The following PRKN variants were observed in gnomAD, a reference collection of about 807,000 sequenced individuals.
PRKN encodes the protein E3 ubiquitin-protein ligase parkin.
PRKN carries 56 observed loss-of-function variants against 59.5 expected under a neutral mutation model. That is an observed-to-expected ratio of 0.94 (90% CI 0.76 to 1.18). PRKN has a LOEUF of 1.18. PRKN is among the 50% of genes most tolerant of loss of function. The pLI is 0.00. For synonymous variants in PRKN, 250 were observed against 222.1 expected, an observed-to-expected ratio of 1.13 and a Z score of -1.12; for missense variants, 657 against 596.4, an observed-to-expected ratio of 1.10 and a Z score of -1.06.
chr6:162,217,282 G>A (rs1196272610), intron 3 of PRKN, among the ~76,000 whole-genome samples: 1 of 152,150 alleles, frequency 6.6e-6, no homozygotes, highest in African/African-American at 2.4e-5. Flanking sequence ...GGGGTAGGAA[G>A]AAGGAAGCAG....
intron 2 of PRKN, among the ~76,000 whole-genome samples, chr6:162,419,545 A>C (rs1583542570): frequency 2.7e-5 from 1 of 36,484 alleles, no homozygotes; most frequent in South Asian, 9.3e-4. Flanking sequence ...GTGCAGGGTC[A>C]ACAAGCTGGA....
chr6:162,687,770 T>C (rs753492559), intron 1 of PRKN, among the ~76,000 whole-genome samples: 7 of 152,220 alleles, frequency 4.6e-5, no homozygotes, highest in Non-Finnish European at 1.0e-4. Context: ...GAATCTCTAA[T>C]TATCATACCA....
At chr6:161,879,476 T>C (rs1317791138) in intron 6 of PRKN, among the ~76,000 whole-genome samples, 1 of 151,496 alleles carries the variant, frequency 6.6e-6, no homozygotes, top group Non-Finnish European at 1.5e-5. Flanking sequence ...GTCTCCCGAG[T>C]AGCTGGGACT....
intron 9 of PRKN, among the ~76,000 whole-genome samples, chr6:161,500,264 C>T (rs1389144984): frequency 1.3e-5 from 2 of 152,198 alleles, no homozygotes; most frequent in South Asian, 4.1e-4. Context: ...CAGTGTTCCC[C>T]ACAAGAGTGG....
intron 7 of PRKN, among the ~76,000 whole-genome samples, chr6:161,727,337 A>G (rs978496891): frequency 2.0e-5 from 3 of 152,188 alleles, no homozygotes; most frequent in Admixed American, 6.5e-5. Context: ...CTCAGAGCAC[A>G]CAGTGAGCCG....
intron 2 of PRKN, among the ~76,000 whole-genome samples, chr6:162,276,455 A>T (rs1377328236): frequency 6.6e-6 from 1 of 152,170 alleles, no homozygotes; most frequent in African/African-American, 2.4e-5. Flanking sequence ...TGTGGCTATG[A>T]TTACAACTAA....
At chr6:162,307,395 C>T (rs59469241) in intron 2 of PRKN, among the ~76,000 whole-genome samples, 5,617 of 142,460 alleles carry the variant, frequency 0.039, 349 homozygotes, top group African/African-American at 0.14. Context: ...GAGACACCGT[C>T]TCAATAAAAA....
intron 4 of PRKN, among the ~76,000 whole-genome samples, chr6:162,059,741 C>T (rs1291018721): frequency 6.6e-6 from 1 of 151,958 alleles, no homozygotes; most frequent in African/African-American, 2.4e-5. Context: ...TTTTAGAGAA[C>T]GTTCTCTTTT....
intron 8 of PRKN, among the ~76,000 whole-genome samples, chr6:161,563,758 G>A (rs1284787288): frequency 1.3e-5 from 2 of 152,158 alleles, no homozygotes; most frequent in African/African-American, 4.8e-5. Context: ...TTAGAGGTCT[G>A]CTGTGGGTCT....
At chr6:161,510,303 T>C (rs1488331038) in intron 9 of PRKN, among the ~76,000 whole-genome samples, 1 of 152,118 alleles carries the variant, frequency 6.6e-6, no homozygotes, top group African/African-American at 2.4e-5. Context: ...TGCGGTATCA[T>C]GAAGCGTGAT....
At chr6:161,688,664 A>C (rs1785658360) in intron 7 of PRKN, among the ~76,000 whole-genome samples, 1 of 152,142 alleles carries the variant, frequency 6.6e-6, no homozygotes, top group Non-Finnish European at 1.5e-5. Flanking sequence ...ACACACCTAC[A>C]CTCAAGGAAT....
chr6:162,447,708 A>G (rs942193438), intron 1 of PRKN, among the ~76,000 whole-genome samples: 2 of 152,142 alleles, frequency 1.3e-5, no homozygotes, highest in Non-Finnish European at 1.5e-5. Flanking sequence ...TCATAAATAT[A>G]GTAGTCAATA....
intron 4 of PRKN, among the ~76,000 whole-genome samples, chr6:162,124,022 C>T (rs971978802): frequency 1.3e-5 from 2 of 152,098 alleles, no homozygotes; most frequent in African/African-American, 2.4e-5. Flanking sequence ...GGCAGCAGCA[C>T]ACAACCCGAG....
chr6:162,297,242 T>G (rs1470057679), intron 2 of PRKN, among the ~76,000 whole-genome samples: 3 of 151,592 alleles, frequency 2.0e-5, no homozygotes, highest in Non-Finnish European at 2.9e-5. Context: ...TTGGTCACTC[T>G]GCTGAAGAAT....
chr6:161,440,902 A>G lies in PRKN; in HGVS notation c.1084-54025T>C, dbSNP rs1438290027. On this transcript the variant is annotated intron_variant, in intron 9 of 11. Coordinates refer to ENST00000366898, the MANE Select transcript of PRKN (RefSeq NM_004562.3). This position sits in a 1 kb window ranked among gnomAD's most constrained non-coding sequence, Gnocchi z 4.1. ...CTAATGTGATAAGAGGCTGAACTGA[A>G]GGTGTCCCTAGAAAATTTAAGACTA... is the stretch of plus-strand genomic sequence containing the variant. Among the ~76,000 whole-genome samples, 2 of 152,222 alleles carry G rather than the reference A, an allele frequency of 1.3e-5. No individual in the cohort carries two copies. Among genetic ancestry groups the G allele is most frequent in the Admixed American group, 1.3e-4 (2 of 15,284 alleles).
chr6:162,126,176 C>T (rs1025679366), intron 4 of PRKN, among the ~76,000 whole-genome samples: 10 of 152,160 alleles, frequency 6.6e-5, no homozygotes, highest in African/African-American at 2.2e-4. Context: ...GTGCTATATG[C>T]ATGCTTATCA....
intron 9 of PRKN, among the ~76,000 whole-genome samples, chr6:161,474,790 T>C (rs184078486): frequency 6.6e-6 from 1 of 151,388 alleles, no homozygotes. Flanking sequence ...TTTTAGTAGA[T>C]ACTGGGTTTC....
chr6:162,347,025 GTATT>G lies in PRKN; in HGVS notation c.172-84264_172-84261del, dbSNP rs1345498656. Reference sequence around the variant, plus strand: ...ATTCCTAATATTATTTGTGTCTTTAGTATTTTTTTCTTGATCAGTCTTGTGAGAT... The same window carrying G: ...ATTCCTAATATTATTTGTGTCTTTAGTTTTTCTTGATCAGTCTTGTGAGAT... On this transcript the variant is annotated intron_variant, in intron 2 of 11. Transcript: ENST00000366898. 2.6e-5 allele frequency among the ~76,000 whole-genome samples: 4 copies of G among 151,204 alleles called. No homozygotes were observed. In the East Asian group the frequency reaches 5.8e-4, roughly 22 times the overall value.
intron 7 of PRKN, among the ~76,000 whole-genome samples, chr6:161,636,899 G>C (rs1228350588): frequency 6.6e-6 from 1 of 152,094 alleles, no homozygotes; most frequent in Non-Finnish European, 1.5e-5. Context: ...GCACACTGGA[G>C]AACTGCCTGA....
Sources: allele counts gnomAD v4.1 joint callset (sites outside exome capture counted in the v4.1 genomes callset), GRCh38; gene constraint gnomAD v4.1.1; non-coding constraint Gnocchi (gnomAD v3.1); transcripts MANE v1.5; gene names NCBI Gene and HGNC (gene_info 2026-07-23, HGNC 2026-07-21).